DYRK1B: variants seen among roughly 807,000 people sequenced by gnomAD.
DYRK1B encodes dual specificity tyrosine-phosphorylation-regulated kinase 1B.
DYRK1B carries 20 observed loss-of-function variants against 57.1 expected under a neutral mutation model. The observed-to-expected ratio is 0.35, with a 90% CI of 0.25 to 0.51. The LOEUF (loss-of-function observed/expected upper bound fraction) is 0.51, where lower values mean the gene tolerates loss of function less well. Among genes scored for constraint, DYRK1B ranks in the 20% least tolerant of loss-of-function variants. DYRK1B has a pLI of 0.96. For missense variants in DYRK1B, 732 were observed against 886.3 expected (o/e 0.83, Z 2.21); for synonymous variants, 409 against 384.7 (o/e 1.06, Z -0.74).
At position 39,827,668 on chromosome 19, in the gene DYRK1B, G is replaced by T; in HGVS notation, c.808-12C>A. 6.2e-7 allele frequency: 1 copy of T among 1,610,846 alleles called. No individual in the cohort carries two copies. Among genetic ancestry groups the T allele is most frequent in the South Asian group, 1.1e-5 (1 of 91,020 alleles). On this transcript the variant is annotated splice_polypyrimidine_tract_variant and intron_variant, in intron 6 of 10. Transcript: ENST00000323039. ...ATATACTGGTAGATCTGGGAAAAGG[G>T]TAATCGTCAAGGGACCCAGCCTCCC...
intron 1 of DYRK1B, chr19:39,832,840 G>A: frequency 1.1e-6 from 1 of 892,268 alleles, no homozygotes; most frequent in Non-Finnish European, 1.3e-6. Flanking sequence ...TCCCAATCAA[G>A]GCCCACTCCT....
rs1465097126 is a variant in DYRK1B at position 39,830,605 on chromosome 19, C to T, written c.184-42G>A. 1.9e-6 allele frequency: 3 copies of T among 1,613,478 alleles called. No individual in the cohort carries two copies. The East Asian group carries it at 6.7e-5, about 36-fold the overall frequency. On this transcript the variant is annotated intron_variant, in intron 3 of 10. Coordinates refer to ENST00000323039, the MANE Select transcript of DYRK1B (RefSeq NM_004714.3). ...CCAGGAGATGGGGACTGGTGAGTGACTCATGCCAGCAGACAAGACCCTCGG... is the reference window on the plus strand; with the variant it reads ...CCAGGAGATGGGGACTGGTGAGTGATTCATGCCAGCAGACAAGACCCTCGG...
rs1215672004 is a variant in DYRK1B at position 39,828,064 on chromosome 19, C to G, written c.807+233G>C. 2.0e-5 allele frequency among the ~76,000 whole-genome samples: 3 copies of G among 152,174 alleles called. No homozygotes were observed. Among genetic ancestry groups the G allele is most frequent in the Non-Finnish European group, 2.9e-5 (2 of 68,028 alleles). ...CGAGGCAGCACCCCTGGCTCAAACC[C>G]AACCCAACTTCACCCTGTTCACATC... On this transcript the variant is annotated intron_variant, in intron 6 of 10. Transcript: ENST00000323039. This position sits in a 1 kb window ranked among gnomAD's most constrained non-coding sequence, Gnocchi z 4.3.
intron 2 of DYRK1B, 29 bp from the exon 3 acceptor site, chr19:39,830,812 G>A (rs776215861): frequency 1.3e-5 from 20 of 1,593,238 alleles, no homozygotes; most frequent in Non-Finnish European, 1.7e-5. Flanking sequence ...GGTGGGCACT[G>A]AGGACGTGCC....
In DYRK1B at chr19:39,827,301, G is replaced by A. The variant is rs753581092; in HGVS notation, c.1079C>T (p.Thr360Met). 5.7e-5 allele frequency: 92 copies of A among 1,611,622 alleles called. No individual in the cohort carries two copies. The highest frequency in any genetic ancestry group is 1.0e-4 in the Admixed American group (6 of 59,928). ...GGGCCGCACCTTCCTGAGTTCTTTCGTCCTTCGTAGGGTCCAGCCACCCCC... is the reference window on the plus strand; with the variant it reads ...GGGCCGCACCTTCCTGAGTTCTTTCATCCTTCGTAGGGTCCAGCCACCCCC... ...LPGGGWTLRR[T>M]KELRKDYQGP... Residue 360 changes from threonine to methionine, a missense_variant, in exon 8 of 11, where the codon ACG (threonine) becomes ATG (methionine). By Grantham distance (81) the Thr-to-Met change is moderately conservative. Transcript: ENST00000323039.
chr19:39,826,349 T>G lies in DYRK1B; in HGVS notation c.1412-63A>C. 7.3e-7 allele frequency: 1 copy of G among 1,371,000 alleles called. No homozygotes were observed. The highest frequency in any genetic ancestry group is 9.9e-7 in the Non-Finnish European group (1 of 1,011,948). The allele number at this position is 1,371,000 out of a possible 1,614,324, so 84.9% of individuals were successfully genotyped here. ...GTGAGAGAAGGTGGCGAGTGGGTTT[T>G]GGGATGGCTGAGGGAAGGTCACGGC... On this transcript the variant is annotated intron_variant, in intron 9 of 10. Transcript: ENST00000323039. The surrounding 1 kb of genome is among the most constrained non-coding windows in gnomAD (Gnocchi z 6.3).
Position 39,828,435 on chromosome 19 carries a change from C to T in DYRK1B, c.669G>A (p.Thr223=), listed in dbSNP as rs567231327. ...CAGGCGTGGCCAGAAAGAGCAGTGCCGTGCAGAGCTGCTGCGCCAGCTTCC... is the reference window on the plus strand; with the variant it reads ...CAGGCGTGGCCAGAAAGAGCAGTGCTGTGCAGAGCTGCTGCGCCAGCTTCC... ...LTRKLAQQLC[T]ALLFLATPEL... Residue 223 remains threonine, a synonymous_variant, in exon 6 of 11, where the codon ACG becomes ACA. Transcript: ENST00000323039. The surrounding 1 kb of genome is among the most constrained non-coding windows in gnomAD (Gnocchi z 4.3). 84 of 1,613,914 alleles carry T rather than the reference C, an allele frequency of 5.2e-5. No homozygotes were observed. Among genetic ancestry groups the T allele is most frequent in the East Asian group, 2.2e-5 (1 of 44,884 alleles).
chr19:39,826,883 G>T lies in DYRK1B; in HGVS notation c.1200C>A (p.Asp400Glu). Residue 400 changes from aspartate to glutamate, a missense_variant, in exon 9 of 11, where the codon GAC becomes GAA. Asp to Glu is a conservative substitution (Grantham distance 45). Coordinates refer to ENST00000323039, the MANE Select transcript of DYRK1B (RefSeq NM_004714.3). This position sits in a 1 kb window ranked among gnomAD's most constrained non-coding sequence, Gnocchi z 6.3. ...GCACCAGGTCCTGGAAGCGGAGGTA[G>T]TCGGCGGGGCTGTGGCCCGGCTCCC... Reference protein sequence around the residue: ...RAGEPGHSPADYLRFQDLVLR... With the variant: ...RAGEPGHSPAEYLRFQDLVLR... 1 of 1,427,884 alleles carries T rather than the reference G, an allele frequency of 7.0e-7. No homozygotes were observed. The allele number at this position is 1,427,884 out of a possible 1,614,324, so 88.5% of individuals were successfully genotyped here.
intron 2 of DYRK1B, 151 bp from the exon 3 acceptor site, chr19:39,830,934 G>C (rs1481597453): frequency 2.1e-6 from 2 of 931,840 alleles, no homozygotes; most frequent in South Asian, 1.7e-5. Flanking sequence ...CCAGGGCTGA[G>C]ACTTTCTCTT....
intron 1 of DYRK1B, among the ~76,000 whole-genome samples, chr19:39,832,645 C>G (rs1183814055): frequency 6.6e-6 from 1 of 152,150 alleles, no homozygotes; most frequent in Non-Finnish European, 1.5e-5. Context: ...AGAGTCCTAT[C>G]TCTACAGCAT....
chr19:39,833,769 CT>C (rs1430670969), intron 1 of DYRK1B: 2 of 152,360 alleles, frequency 1.3e-5, no homozygotes, highest in Non-Finnish European at 2.9e-5. Flanking sequence ...GCCCGCGGAG[CT>C]GAGCCCAAAC....
Position 39,826,118 on chromosome 19 carries a change from G to A in DYRK1B, c.1519-32C>T, listed in dbSNP as rs759425729. 9 of 1,551,006 alleles carry A rather than the reference G, an allele frequency of 5.8e-6. No individual in the cohort carries two copies. The highest frequency in any genetic ancestry group is 5.5e-5 in the African/African-American group (4 of 72,180). On this transcript the variant is annotated intron_variant, in intron 10 of 10. Transcript: ENST00000323039. This position sits in a 1 kb window ranked among gnomAD's most constrained non-coding sequence, Gnocchi z 6.3. ...AAGCAAAGGAGCCATGGGTGATGGAGACCCTGGTCTCTAAGCCCCAGGCAC... is the reference window on the plus strand; with the variant it reads ...AAGCAAAGGAGCCATGGGTGATGGAAACCCTGGTCTCTAAGCCCCAGGCAC...
Position 39,826,610 on chromosome 19 carries a change from G to A in DYRK1B, c.1411+62C>T. On this transcript the variant is annotated intron_variant, in intron 9 of 10. Coordinates refer to ENST00000323039, the MANE Select transcript of DYRK1B (RefSeq NM_004714.3). The surrounding 1 kb of genome is among the most constrained non-coding windows in gnomAD (Gnocchi z 6.3). Reference sequence around the variant, plus strand: ...GAAGACCCAGTAACCAGGTCCCCCAGGACAGGCCAAACCTGAGCAGCCCCC... The same window carrying A: ...GAAGACCCAGTAACCAGGTCCCCCAAGACAGGCCAAACCTGAGCAGCCCCC... The A allele has an allele frequency of 3.4e-6, 5 of 1,475,238 alleles. No individual in the cohort carries two copies. Among genetic ancestry groups the A allele is most frequent in the Non-Finnish European group, 4.5e-6 (5 of 1,110,664 alleles). The allele number at this position is 1,475,238 out of a possible 1,614,324, so 91.4% of individuals were successfully genotyped here. A position where few individuals can be genotyped will look rare whatever the true frequency, so the allele number is the denominator to read the frequency against.
At position 39,827,382 on chromosome 19, in the gene DYRK1B, G is replaced by A. The variant is rs1193632606; in HGVS notation, c.998C>T (p.Pro333Leu). Residue 333 changes from proline (P) to leucine (L), a missense_variant, in exon 8 of 11, where the codon CCG (proline) becomes CTG (leucine). Physicochemically the swap from Pro to Leu is moderately conservative, Grantham distance 98. Transcript: ENST00000323039. ...GGGCGCCTGGTCCAGCATGGCGGCC[G>A]GTGGGATGCCCAGCACCTCCACAAT... ...NRIVEVLGIP[P>L]AAMLDQAPKA... 4.3e-6 allele frequency: 7 copies of A among 1,613,726 alleles called. No individual in the cohort carries two copies. Among genetic ancestry groups the A allele is most frequent in the Admixed American group, 3.3e-5 (2 of 60,010 alleles).
At chr19:39,827,037 C>G in intron 8 of DYRK1B, 50 bp from the exon 9 acceptor site, 1 of 1,340,236 alleles carries the variant, frequency 7.5e-7, no homozygotes, top group Non-Finnish European at 9.8e-7. Context: ...CGTCAGTGGG[C>G]AGGAGGGGCA....
chr19:39,825,568 C>T lies in DYRK1B; in HGVS notation c.*147G>A. 1 of 819,776 alleles carries T rather than the reference C, an allele frequency of 1.2e-6. No individual in the cohort carries two copies. Among genetic ancestry groups the T allele is most frequent in the Non-Finnish European group, 1.9e-6 (1 of 534,774 alleles). 50.8% of individuals were successfully genotyped at this position (819,776 alleles called of 1,614,324 possible). ...GGCCAAAACCCTCTCCTTGACCCCC[C>T]TGCCCCAGGCCCCAATCAGTGCAGG... On this transcript the variant is annotated 3_prime_UTR_variant, in exon 11 of 11. Transcript: ENST00000323039.
intron 1 of DYRK1B, among the ~76,000 whole-genome samples, chr19:39,832,709 G>A (rs1269852735): frequency 6.6e-6 from 1 of 152,064 alleles, no homozygotes; most frequent in East Asian, 1.9e-4. Context: ...ATCATGCCAA[G>A]ACCGCTTCCC....
chr19:39,826,039 G>A lies in DYRK1B; in HGVS notation c.1566C>T (p.Pro522=), dbSNP rs751446560. 21 of 1,519,960 alleles carry A rather than the reference G, an allele frequency of 1.4e-5. No homozygotes were observed. In the Admixed American group the frequency reaches 4.7e-4, roughly 34 times the overall value. The allele number at this position is 1,519,960 out of a possible 1,614,324, so 94.2% of individuals were successfully genotyped here. A position where few individuals can be genotyped will look rare whatever the true frequency, so the allele number is the denominator to read the frequency against. ...AGGCAGGGGCTTGATGTGTCTTGTG[G>A]GGCACATCACCCCCTGCCCAGGGCC... is the stretch of plus-strand genomic sequence containing the variant. ...PLRPWAGGDV[P]HKTHQAPASA... The change falls in exon 11 of 11, where the codon CCC becomes CCT. Residue 522 remains proline (P), a synonymous_variant. Transcript: ENST00000323039. The surrounding 1 kb of genome is among the most constrained non-coding windows in gnomAD (Gnocchi z 6.3).
chr19:39,827,630 G>A lies in DYRK1B; in HGVS notation c.834C>T (p.Phe278=), dbSNP rs938872520. Residue 278 remains phenylalanine, a synonymous_variant, in exon 7 of 11, where the codon TTC becomes TTT. Transcript: ENST00000323039. ...QRIYQYIQSR[F]YRSPEVLLGT... ...CCAGGAGCACCTCAGGTGAGCGGTA[G>A]AAGCGGCTCTGGATATACTGGTAGA... 2 of 1,614,084 alleles carry A rather than the reference G, an allele frequency of 1.2e-6. No individual in the cohort carries two copies. Among genetic ancestry groups the A allele is most frequent in the African/African-American group, 1.3e-5 (1 of 75,044 alleles).
Sources: allele counts gnomAD v4.1 joint callset (sites outside exome capture counted in the v4.1 genomes callset), GRCh38; gene constraint gnomAD v4.1.1; non-coding constraint Gnocchi (gnomAD v3.1); transcripts MANE v1.5; gene names NCBI Gene and HGNC (gene_info 2026-07-23, HGNC 2026-07-21).